Variants in VAT1L observed in about 807,000 individuals in gnomAD.
The protein encoded by VAT1L is vesicle amine transport 1 like, also known as putative NADPH-dependent quinone oxidoreductase VAT1L.
VAT1L carries 34 observed loss-of-function variants against 44.1 expected under a neutral mutation model. The ratio of observed to expected loss-of-function variants is 0.77; its 90% CI spans 0.59 to 1.03. The LOEUF is 1.03. VAT1L is among the 50% of genes least tolerant of loss of function. VAT1L has a pLI of 0.00. For missense variants in VAT1L, 615 were observed against 538.8 expected, an observed-to-expected ratio of 1.14 and a Z score of -1.40; for synonymous variants, 253 against 202.2, an observed-to-expected ratio of 1.25 and a Z score of -2.13.
At chr16:77,889,094 C>G (rs1265758937) in intron 7 of VAT1L, among the ~76,000 whole-genome samples, 2 of 152,180 alleles carry the variant, frequency 1.3e-5, no homozygotes, top group Non-Finnish European at 2.9e-5. Context: ...CTCTGAAGGA[C>G]TGTAATGATT....
intron 3 of VAT1L, among the ~76,000 whole-genome samples, chr16:77,833,898 G>A: frequency 6.6e-6 from 1 of 152,144 alleles, no homozygotes; most frequent in East Asian, 1.9e-4. Context: ...ATTCCGGACA[G>A]GAGGGCGTTT....
At chr16:77,928,846 C>G (rs376306268) in intron 7 of VAT1L, among the ~76,000 whole-genome samples, 2 of 151,986 alleles carry the variant, frequency 1.3e-5, no homozygotes, top group South Asian at 2.1e-4. Flanking sequence ...GAGATGGAGT[C>G]TCACTCTGTC....
chr16:77,831,982 A>ATTTTTTTTTTTTTTTTTTTTT (rs151275500), intron 3 of VAT1L, among the ~76,000 whole-genome samples: 1 of 125,984 alleles, frequency 7.9e-6, no homozygotes, highest in Non-Finnish European at 1.6e-5. Flanking sequence ...TGCCCGGCTA[A>ATTTTTTTTTTTTTTTTTTTTT]TTTTTTTTTT....
At chr16:77,975,194 C>CTTTTTTTT (rs35017686) in intron 8 of VAT1L, among the ~76,000 whole-genome samples, 1,746 of 39,852 alleles carry the variant, frequency 0.044, 240 homozygotes, top group Middle Eastern at 0.11. Flanking sequence ...GGAATGACCA[C>CTTTTTTTT]TTTTTTTTTT....
chr16:77,895,895 T>C (rs886303303), intron 7 of VAT1L, among the ~76,000 whole-genome samples: 4 of 152,094 alleles, frequency 2.6e-5, no homozygotes, highest in South Asian at 2.1e-4. Context: ...CAGACAATTA[T>C]ATAAGCAGGG....
At chr16:77,908,099 T>C (rs1437722896) in intron 7 of VAT1L, among the ~76,000 whole-genome samples, 2 of 151,700 alleles carry the variant, frequency 1.3e-5, no homozygotes, top group East Asian at 1.9e-4. Context: ...ATCAGCCGGG[T>C]GTGGTGGCGG....
At chr16:77,963,539 G>A (rs1203296305) in intron 7 of VAT1L, among the ~76,000 whole-genome samples, 1 of 152,066 alleles carries the variant, frequency 6.6e-6, no homozygotes, top group East Asian at 1.9e-4. Flanking sequence ...TAATAAATTT[G>A]TGCTTCAAGT....
intron 7 of VAT1L, among the ~76,000 whole-genome samples, chr16:77,898,576 G>C (rs2017348513): frequency 6.6e-6 from 1 of 151,938 alleles, no homozygotes; most frequent in Non-Finnish European, 1.5e-5. Flanking sequence ...GGCCTCCTCT[G>C]TGGGGTTGCT....
At chr16:77,881,293 G>A (rs2017152301) in intron 6 of VAT1L, among the ~76,000 whole-genome samples, 1 of 152,168 alleles carries the variant, frequency 6.6e-6, no homozygotes. Flanking sequence ...TGCTGTTTGT[G>A]GTATTGTGCC....
At chr16:77,915,499 AG>A (rs2017542811) in intron 7 of VAT1L, among the ~76,000 whole-genome samples, 3 of 152,236 alleles carry the variant, frequency 2.0e-5, no homozygotes, top group Admixed American at 2.0e-4. Flanking sequence ...GACATTGTTT[AG>A]TGTAGGGAAA....
At chr16:77,849,453 G>A (rs1372226501) in intron 3 of VAT1L, among the ~76,000 whole-genome samples, 1 of 152,206 alleles carries the variant, frequency 6.6e-6, no homozygotes, top group East Asian at 1.9e-4. Flanking sequence ...CAGATAAGAG[G>A]TCACTGATGA....
intron 3 of VAT1L, among the ~76,000 whole-genome samples, chr16:77,845,721 T>G (rs771584321): frequency 4.0e-5 from 6 of 151,064 alleles, no homozygotes; most frequent in Admixed American, 1.3e-4. Context: ...CCGTCCACCC[T>G]GAGAGCCAGA....
At chr16:77,877,218 T>C (rs185024654) in intron 5 of VAT1L, among the ~76,000 whole-genome samples, 164 of 152,110 alleles carry the variant, frequency 1.1e-3, no homozygotes, top group Middle Eastern at 3.4e-3. Context: ...ATTTAAACAT[T>C]AGTCTCCACA....
chr16:77,902,096 A>G (rs892277242), intron 7 of VAT1L, among the ~76,000 whole-genome samples: 4 of 152,240 alleles, frequency 2.6e-5, no homozygotes, highest in African/African-American at 9.6e-5. Context: ...TTAAAAATCT[A>G]AACTTTTTGG....
chr16:77,862,604 C>CA, intron 3 of VAT1L, 144 bp from the exon 4 acceptor site: 1 of 797,426 alleles, frequency 1.3e-6, no homozygotes, highest in Non-Finnish European at 1.8e-6. Context: ...GCCTGAGTGA[C>CA]AGAGTGAGAC....
intron 7 of VAT1L, among the ~76,000 whole-genome samples, chr16:77,945,803 T>TG (rs2017954533): frequency 6.6e-6 from 1 of 150,988 alleles, no homozygotes; most frequent in African/African-American, 2.4e-5. Context: ...TTGACTTTTT[T>TG]TTTTTTTTCT....
intron 7 of VAT1L, among the ~76,000 whole-genome samples, chr16:77,929,255 C>G (rs1281467396): frequency 6.6e-6 from 1 of 152,158 alleles, no homozygotes; most frequent in South Asian, 2.1e-4. Flanking sequence ...AGTCTCTAGA[C>G]TTAGTACTGC....
At chr16:77,957,519 G>C (rs1362759005) in intron 7 of VAT1L, among the ~76,000 whole-genome samples, 1 of 152,066 alleles carries the variant, frequency 6.6e-6, no homozygotes, top group African/African-American at 2.4e-5. Flanking sequence ...AAGGTCAAGA[G>C]ATCGAGACCA....
At chr16:77,933,842 G>A (rs1279499451) in intron 7 of VAT1L, among the ~76,000 whole-genome samples, 3 of 152,316 alleles carry the variant, frequency 2.0e-5, no homozygotes, top group Non-Finnish European at 4.4e-5. Flanking sequence ...TAGTCAGATG[G>A]CACATAGCCT....
Sources: gnomAD v4.1 joint callset for allele counts (sites outside exome capture counted in the v4.1 genomes callset) on GRCh38, gnomAD v4.1.1 for gene constraint, MANE v1.5 for transcripts, NCBI Gene and HGNC (gene_info 2026-07-23, HGNC 2026-07-21) for gene names.